DOCK10: variants seen among roughly 807,000 people sequenced by gnomAD.
DOCK10 encodes dedicator of cytokinesis protein 10.
DOCK10 carries 145 observed loss-of-function variants against 280.1 expected under a neutral mutation model. That is an observed-to-expected ratio of 0.52 (90% CI 0.45 to 0.59). The LOEUF is 0.59. DOCK10 is among the 20% of genes least tolerant of loss of function. DOCK10 has a pLI of 0.00. For synonymous variants in DOCK10, 915 were observed against 942.2 expected (o/e 0.97, Z 0.53); for missense variants, 2,368 against 2,651.7 (o/e 0.89, Z 2.35).
In DOCK10 at chr2:224,808,039, A is replaced by G; in HGVS notation, c.3457T>C (p.Leu1153=). Residue 1153 remains leucine (L), a synonymous_variant, in exon 32 of 56, where the codon TTA becomes CTA. Transcript: ENST00000258390. ...ACTTCTCGGAGCAGAATTCCGATTAAGAAGTGTTTGCGACAAAATTCATTT... is the reference window on the plus strand; with the variant it reads ...ACTTCTCGGAGCAGAATTCCGATTAGGAAGTGTTTGCGACAAAATTCATTT... ...VTNEFCRKHF[L]IGILLREVGF... 1 of 1,612,800 alleles carries G rather than the reference A, an allele frequency of 6.2e-7. No individual in the cohort carries two copies. Among genetic ancestry groups the G allele is most frequent in the Non-Finnish European group, 8.5e-7 (1 of 1,179,296 alleles).
chr2:224,974,819 AATATATATATAT>A (rs1705321889), intron 1 of DOCK10, among the ~76,000 whole-genome samples: 6 of 132,354 alleles, frequency 4.5e-5, no homozygotes, highest in Non-Finnish European at 9.8e-5. Flanking sequence ...TTATATATAT[AATATATATATAT>A]TATATATAAC....
At chr2:225,030,023 G>A (rs1340251215) in intron 1 of DOCK10, among the ~76,000 whole-genome samples, 1 of 151,838 alleles carries the variant, frequency 6.6e-6, no homozygotes, top group African/African-American at 2.4e-5. Flanking sequence ...GCACACACCT[G>A]TAGTCCCAGC....
At chr2:224,982,239 C>T in intron 1 of DOCK10, 2 of 1,231,934 alleles carry the variant, frequency 1.6e-6, no homozygotes, top group Non-Finnish European at 2.0e-6. Flanking sequence ...CTATTCATTT[C>T]ATCGTCACTT....
rs759282940 is a variant in DOCK10, at chr2:224,801,975, C to T, written c.4334G>A (p.Arg1445Gln). 19 of 1,612,858 alleles carry T rather than the reference C, an allele frequency of 1.2e-5. No homozygotes were observed. The highest frequency in any genetic ancestry group is 1.4e-5 in the Non-Finnish European group (17 of 1,179,260). The change falls in exon 40 of 56, where the codon CGA becomes CAA. Residue 1445 changes from arginine (R) to glutamine (Q), a missense_variant. Arg to Gln is a conservative substitution (Grantham distance 43). Around this residue, in one of 2 missense-constraint regions of DOCK10, gnomAD observed 1,159 missense variants for 1,400.8 expected, o/e 0.83. Coordinates refer to ENST00000258390, the MANE Select transcript of DOCK10 (RefSeq NM_014689.3). ...QHRSQTLPII[R>Q]GKNALSNPKL... ...GGGGTTAGAAAGTGCATTTTTGCCT[C>T]GAATTATAGGTAAAGTTTGTGATCT...
At chr2:224,918,963 T>TG in intron 2 of DOCK10, among the ~76,000 whole-genome samples, 1 of 145,930 alleles carries the variant, frequency 6.9e-6, no homozygotes, top group South Asian at 2.2e-4. Context: ...GGTGTGTGTG[T>TG]GTATGTGTGG....
At chr2:224,817,482 T>G (rs116217608) in intron 29 of DOCK10, among the ~76,000 whole-genome samples, 2 of 152,238 alleles carry the variant, frequency 1.3e-5, no homozygotes, top group African/African-American at 4.8e-5. Context: ...TATTTTAGAA[T>G]TATATCTTGT....
intron 41 of DOCK10, among the ~76,000 whole-genome samples, 185 bp downstream of exon 41, chr2:224,799,966 C>A (rs929980098): frequency 2.0e-5 from 3 of 152,136 alleles, no homozygotes; most frequent in African/African-American, 7.2e-5. Flanking sequence ...ATCAAACAAA[C>A]ATTAGTCAAC....
intron 3 of DOCK10, among the ~76,000 whole-genome samples, chr2:224,903,269 G>C (rs1301947892): frequency 1.3e-5 from 2 of 152,160 alleles, no homozygotes; most frequent in Non-Finnish European, 2.9e-5. Flanking sequence ...ACTGATTCTG[G>C]TTTTTAAAAA....
intron 29 of DOCK10, among the ~76,000 whole-genome samples, chr2:224,818,639 C>A (rs1036263344): frequency 1.8e-4 from 28 of 152,214 alleles, no homozygotes; most frequent in Middle Eastern, 3.4e-3. Flanking sequence ...ACCTCGTGAT[C>A]CGCCCACCTC....
chr2:224,862,248 T>C (rs1697554931), intron 14 of DOCK10: 1 of 158,668 alleles, frequency 6.3e-6, no homozygotes, highest in Admixed American at 6.2e-5. Context: ...TATATAGACC[T>C]GAGCTCTACG....
rs148403003 is a variant in DOCK10 at position 224,772,401 on chromosome 2, G to A, written c.6204+756C>T. On this transcript the variant is annotated intron_variant, in intron 53 of 55. Transcript: ENST00000258390. ...CTCCCTTTAATTTTGTGCCCAAGGT[G>A]AGTGCCTTACTCACCTCACCTGCCT... 5.3e-5 allele frequency among the ~76,000 whole-genome samples: 8 copies of A among 152,250 alleles called. No homozygotes were observed. In the East Asian group the frequency reaches 1.5e-3, roughly 29 times the overall value.
intron 1 of DOCK10, among the ~76,000 whole-genome samples, chr2:224,960,867 G>A (rs1375467556): frequency 6.7e-6 from 1 of 149,218 alleles, no homozygotes; most frequent in Non-Finnish European, 1.5e-5. Context: ...AGCCTCCCGT[G>A]TAGCTGGGAC....
At chr2:224,911,245 T>C (rs1340820142) in intron 3 of DOCK10, among the ~76,000 whole-genome samples, 1 of 152,118 alleles carries the variant, frequency 6.6e-6, no homozygotes, top group African/African-American at 2.4e-5. Context: ...GGTGAGAAAT[T>C]TCCCCCAAGG....
intron 1 of DOCK10, among the ~76,000 whole-genome samples, chr2:225,035,572 A>ATATATTATATATATATATATATATATAT (rs1553634954): frequency 7.3e-4 from 51 of 69,958 alleles, no homozygotes; most frequent in Non-Finnish European, 1.2e-3. Context: ...ATATATATAT[A>ATATATTATATATATATATATATATATAT]TATATATATA....
At chr2:225,017,251 G>A (rs541888512) in intron 1 of DOCK10, among the ~76,000 whole-genome samples, 2 of 152,068 alleles carry the variant, frequency 1.3e-5, no homozygotes, top group African/African-American at 2.4e-5. Context: ...TATTACCAGC[G>A]TAAGTCCAAA....
At chr2:224,775,661 A>G (rs982427669) in intron 51 of DOCK10, among the ~76,000 whole-genome samples, 5 of 152,084 alleles carry the variant, frequency 3.3e-5, no homozygotes, top group Non-Finnish European at 7.4e-5. Context: ...GTTTTAGTAG[A>G]GAGAGGGTTA....
chr2:224,916,656 A>G (rs1701342394), intron 3 of DOCK10, 39 bp downstream of exon 3: 2 of 1,473,932 alleles, frequency 1.4e-6, no homozygotes, highest in South Asian at 2.5e-5. Flanking sequence ...GGGAAAAAGC[A>G]AAAGCCTTAA....
intron 48 of DOCK10, 46 bp from the exon 49 acceptor site, chr2:224,787,443 T>G (rs770652927): frequency 8.7e-6 from 14 of 1,606,254 alleles, no homozygotes; most frequent in African/African-American, 1.3e-5. Context: ...ATTAGGGTTG[T>G]GGCTCATGCC....
At chr2:224,849,444 T>C (rs1319825575) in intron 19 of DOCK10, 63 bp downstream of exon 19, 2 of 1,215,854 alleles carry the variant, frequency 1.6e-6, no homozygotes, top group Non-Finnish European at 1.2e-6. Context: ...CACTGCACGG[T>C]TATCTGAACA....
Sources: gnomAD v4.1 joint callset for allele counts (sites outside exome capture counted in the v4.1 genomes callset) on GRCh38, gnomAD v4.1.1 for gene constraint, gnomAD v4.1.1 regional missense constraint, MANE v1.5 for transcripts, NCBI Gene and HGNC (gene_info 2026-07-23, HGNC 2026-07-21) for gene names.